The following TLE4 variants were observed in gnomAD, a reference collection of about 807,000 sequenced individuals.
The protein encoded by TLE4 is transducin-like enhancer protein 4.
Under a neutral mutation model 92.8 loss-of-function variants are expected in TLE4, and 8 were observed. That is an observed-to-expected ratio of 0.09 (90% CI 0.05 to 0.16). TLE4 has a LOEUF of 0.16. Among genes scored for constraint, TLE4 ranks in the 10% least tolerant of loss-of-function variants. TLE4 has a pLI of 1.00. For missense variants in TLE4, 675 were observed against 997.6 expected (o/e 0.68, Z 4.36); for synonymous variants, 371 against 374.1 (o/e 0.99, Z 0.10).
intron 8 of TLE4, among the ~76,000 whole-genome samples, chr9:79,666,264 C>T (rs958013939): frequency 2.7e-5 from 4 of 148,268 alleles, no homozygotes; most frequent in African/African-American, 1.0e-4. Context: ...CTATGTCACC[C>T]AAGCTGCTGC....
chr9:79,571,966 G>A lies in TLE4; in HGVS notation c.-825G>A, dbSNP rs1373707128. 1 of 152,268 alleles carries A rather than the reference G, an allele frequency of 6.6e-6. No individual in the cohort carries two copies. Among genetic ancestry groups the A allele is most frequent in the Non-Finnish European group, 1.5e-5 (1 of 68,078 alleles). The allele number at this position is 152,268 out of a possible 1,614,324, so 9.4% of individuals were successfully genotyped here. A position where few individuals can be genotyped will look rare whatever the true frequency, so the allele number is the denominator to read the frequency against. On this transcript the variant is annotated 5_prime_UTR_variant, in exon 1 of 20. Coordinates refer to ENST00000376552, the MANE Select transcript of TLE4 (RefSeq NM_007005.6). ...TTTGGTCAAAGAAGTCACCTACACA[G>A]AGCGTGTTGTTAGAGCTGTGCTGAG...
chr9:79,725,078 G>T lies in TLE4; in HGVS notation c.2256G>T (p.Val752=). The T allele has an allele frequency of 6.2e-7, 1 of 1,613,794 alleles. No individual in the cohort carries two copies. Among genetic ancestry groups the T allele is most frequent in the Non-Finnish European group, 8.5e-7 (1 of 1,179,908 alleles). The part of the protein sequence containing the change: ...SSSVLSCDIS[V]DDKYIVTGSG... Reference sequence around the variant, plus strand: ...CGGTGCTTAGCTGTGACATCTCCGTGGACGACAAATACATTGTCACTGGCT... The same window carrying T: ...CGGTGCTTAGCTGTGACATCTCCGTTGACGACAAATACATTGTCACTGGCT... The change falls in exon 20 of 20, where the codon GTG becomes GTT. Residue 752 remains valine (V), a synonymous_variant. Coordinates refer to ENST00000376552, the MANE Select transcript of TLE4 (RefSeq NM_007005.6).
chr9:79,603,319 G>T (rs1347210691), intron 4 of TLE4, among the ~76,000 whole-genome samples: 2 of 152,068 alleles, frequency 1.3e-5, no homozygotes, highest in Non-Finnish European at 2.9e-5. Flanking sequence ...AAGACCCCCA[G>T]TGCTAACAAG....
At chr9:79,718,609 TC>T in intron 14 of TLE4, 112 bp from the exon 15 acceptor site, 3 of 1,401,138 alleles carry the variant, frequency 2.1e-6, no homozygotes, top group Non-Finnish European at 2.9e-6. Flanking sequence ...TTCGATTTGT[TC>T]GTAAATCACA....
At chr9:79,628,818 G>A (rs1405286095) in intron 6 of TLE4, among the ~76,000 whole-genome samples, 3 of 151,738 alleles carry the variant, frequency 2.0e-5, no homozygotes, top group African/African-American at 7.3e-5. Context: ...AAAACTCCAG[G>A]AAACAGCAGT....
intron 14 of TLE4, 43 bp downstream of exon 14, chr9:79,709,742 A>G: frequency 6.3e-7 from 1 of 1,578,190 alleles, no homozygotes; most frequent in Non-Finnish European, 8.7e-7. Flanking sequence ...TGTCAAACTC[A>G]GGTCCCTTGC....
At chr9:79,652,457 G>A (rs1334492771) in intron 6 of TLE4, 136 bp from the exon 7 acceptor site, 2 of 887,536 alleles carry the variant, frequency 2.3e-6, no homozygotes, top group Admixed American at 2.0e-5. Flanking sequence ...AAAGTGCTGG[G>A]ATTACAGGCG....
intron 5 of TLE4, among the ~76,000 whole-genome samples, chr9:79,623,080 T>C (rs2051447737): frequency 6.6e-6 from 1 of 152,156 alleles, no homozygotes; most frequent in Non-Finnish European, 1.5e-5. Context: ...TTTTGAAGCA[T>C]ACTTTAGAGA....
chr9:79,606,181 G>C (rs2046805907), intron 4 of TLE4, among the ~76,000 whole-genome samples: 1 of 42,452 alleles, frequency 2.4e-5, no homozygotes, highest in Admixed American at 2.6e-4. Flanking sequence ...TTAAGCAGTA[G>C]TAGTTGTTTT....
At chr9:79,632,234 CAG>C (rs1355796329) in intron 6 of TLE4, among the ~76,000 whole-genome samples, 1 of 152,184 alleles carries the variant, frequency 6.6e-6, no homozygotes, top group East Asian at 1.9e-4. Flanking sequence ...CACAGGGAAA[CAG>C]AGTTAGTGGA....
At chr9:79,585,207 C>T (rs1006784665) in intron 4 of TLE4, among the ~76,000 whole-genome samples, 11 of 152,134 alleles carry the variant, frequency 7.2e-5, no homozygotes, top group South Asian at 2.1e-4. Context: ...CTTATAGTGT[C>T]GATAATATTT....
chr9:79,592,030 G>A (rs1436756970), intron 4 of TLE4, among the ~76,000 whole-genome samples: 2 of 152,236 alleles, frequency 1.3e-5, no homozygotes, highest in South Asian at 2.1e-4. Context: ...ACTTTGCCAG[G>A]CAGCCTTTTG....
chr9:79,718,590 A>G (rs74917162), intron 14 of TLE4, 132 bp from the exon 15 acceptor site: 162,214 of 1,321,250 alleles, frequency 0.12, 10,956 homozygotes, highest in Non-Finnish European at 0.14. Context: ...TTTACACTGT[A>G]TGGACAAATT....
chr9:79,716,139 C>A (rs1183980413), intron 14 of TLE4, among the ~76,000 whole-genome samples: 1 of 152,220 alleles, frequency 6.6e-6, no homozygotes, highest in African/African-American at 2.4e-5. Flanking sequence ...TATCTGTACT[C>A]ATCACAGCCT....
intron 19 of TLE4, 132 bp downstream of exon 19, chr9:79,723,167 A>C (rs2075902374): frequency 7.3e-6 from 6 of 817,798 alleles, no homozygotes; most frequent in Admixed American, 2.5e-5. Context: ...CAGAGAAGGA[A>C]ACTGTGTCCA....
chr9:79,592,441 A>G (rs914152383), intron 4 of TLE4, among the ~76,000 whole-genome samples: 40 of 151,554 alleles, frequency 2.6e-4, no homozygotes, highest in Non-Finnish European at 3.5e-4. Context: ...ACACCCGGCA[A>G]TTTTTGTATT....
At chr9:79,600,924 A>G (rs2045485451) in intron 4 of TLE4, among the ~76,000 whole-genome samples, 1 of 152,154 alleles carries the variant, frequency 6.6e-6, no homozygotes, top group East Asian at 1.9e-4. Flanking sequence ...TCCTTGGGCT[A>G]TTAAAATCAT....
At chr9:79,704,624 T>C in intron 8 of TLE4, 159 bp from the exon 9 acceptor site, 1 of 910,286 alleles carries the variant, frequency 1.1e-6, no homozygotes, top group Middle Eastern at 2.5e-4. Context: ...ATCCCTGTTT[T>C]CTTCCTTTCG....
chr9:79,629,578 C>T (rs987870467), intron 6 of TLE4, among the ~76,000 whole-genome samples: 7 of 152,146 alleles, frequency 4.6e-5, no homozygotes, highest in African/African-American at 9.7e-5. Context: ...AGCAGCGTTA[C>T]GTGCTATCAA....
Sources: allele counts gnomAD v4.1 joint callset (sites outside exome capture counted in the v4.1 genomes callset), GRCh38; gene constraint gnomAD v4.1.1; transcripts MANE v1.5; gene names NCBI Gene and HGNC (gene_info 2026-07-23, HGNC 2026-07-21).